PPP1R8: variants seen among roughly 807,000 people sequenced by gnomAD.
PPP1R8 encodes the protein protein phosphatase 1 regulatory subunit 8.
Under a neutral mutation model 31.3 loss-of-function variants are expected in PPP1R8, and 4 were observed. The observed-to-expected ratio is 0.13, with a 90% CI of 0.06 to 0.29. The LOEUF is 0.29. Among genes scored for constraint, PPP1R8 ranks in the 10% least tolerant of loss-of-function variants. The pLI is 1.00. For missense variants in PPP1R8, 254 were observed against 440.1 expected (o/e 0.58, Z 3.78); for synonymous variants, 170 against 169.7 (o/e 1.00, Z -0.01).
intron 1 of PPP1R8, among the ~76,000 whole-genome samples, chr1:27,831,704 A>G (rs1002250109): frequency 2.0e-5 from 3 of 152,150 alleles, no homozygotes; most frequent in African/African-American, 7.2e-5. Flanking sequence ...AGGAATTCAG[A>G]AAGTATGTTT....
chr1:27,830,857 G>T lies in PPP1R8; in HGVS notation c.22G>T (p.Gly8Cys). MAAAANS[G>C]SSLPLFDCPT... ...CAAGATGGCGGCAGCCGCGAACTCC[G>T]GCTCTAGCCTCCCGCTGTTCGACTG... Residue 8 changes from glycine to cysteine, a missense_variant, in exon 1 of 7, where the codon GGC becomes TGC. Gly to Cys is a radical substitution (Grantham distance 159). Coordinates refer to ENST00000311772, the MANE Select transcript of PPP1R8 (RefSeq NM_014110.5). The T allele has an allele frequency of 1.3e-6, 2 of 1,576,248 alleles. No homozygotes were observed. The highest frequency in any genetic ancestry group is 1.3e-5 in the African/African-American group (1 of 74,162).
chr1:27,849,043 T>C (rs1408888405), intron 6 of PPP1R8, among the ~76,000 whole-genome samples: 2 of 152,176 alleles, frequency 1.3e-5, no homozygotes, highest in Non-Finnish European at 2.9e-5. Flanking sequence ...TTTTCTTCAC[T>C]GTAGATTGGT....
At chr1:27,849,828 AC>A (rs2089323091) in intron 6 of PPP1R8, among the ~76,000 whole-genome samples, 1 of 152,108 alleles carries the variant, frequency 6.6e-6, no homozygotes, top group Non-Finnish European at 1.5e-5. Flanking sequence ...AACTCACAAC[AC>A]CATCCTTGGC....
intron 2 of PPP1R8, among the ~76,000 whole-genome samples, chr1:27,833,756 C>G (rs2089134958): frequency 6.6e-6 from 1 of 152,090 alleles, no homozygotes; most frequent in Admixed American, 6.6e-5. Context: ...TGTTGCAGTT[C>G]CACGGTTGCT....
intron 4 of PPP1R8, among the ~76,000 whole-genome samples, chr1:27,841,556 C>CT (rs1236731055): frequency 6.6e-6 from 1 of 152,170 alleles, no homozygotes; most frequent in Admixed American, 6.5e-5. Flanking sequence ...CTGCTTAGAG[C>CT]TAATGCTGTC....
At chr1:27,831,400 C>T in intron 1 of PPP1R8, 1 of 977,792 alleles carries the variant, frequency 1.0e-6, no homozygotes, top group Non-Finnish European at 1.2e-6. Context: ...TCAGGGAGCT[C>T]CCAGTCTGTG....
chr1:27,847,521 AAG>A (rs1553120894), intron 6 of PPP1R8, among the ~76,000 whole-genome samples: 2 of 151,214 alleles, frequency 1.3e-5, no homozygotes, highest in Non-Finnish European at 2.9e-5. Context: ...AAAAAAAAAA[AAG>A]AGATTGAGAC....
At chr1:27,849,981 C>A in intron 6 of PPP1R8, 112 bp from the exon 7 acceptor site, 1 of 1,000,228 alleles carries the variant, frequency 1.0e-6, no homozygotes, top group Non-Finnish European at 1.5e-6. Context: ...AGTTAGGAAT[C>A]TTTCCCAAAA....
chr1:27,840,282 T>C (rs1050884096), intron 3 of PPP1R8, among the ~76,000 whole-genome samples: 1 of 152,142 alleles, frequency 6.6e-6, no homozygotes, highest in African/African-American at 2.4e-5. Flanking sequence ...ACTCCACCAC[T>C]CTCCTACTAC....
chr1:27,849,450 CT>C (rs1401270649), intron 6 of PPP1R8, among the ~76,000 whole-genome samples: 1 of 151,004 alleles, frequency 6.6e-6, no homozygotes, highest in Non-Finnish European at 1.5e-5. Flanking sequence ...GGTAAAATAT[CT>C]ATTGCCATCT....
intron 1 of PPP1R8, chr1:27,831,196 C>T: frequency 8.7e-7 from 1 of 1,154,426 alleles, no homozygotes. Flanking sequence ...ACGCCCAACT[C>T]TTGACTGAGT....
At chr1:27,850,071 CT>C (rs1156747686) in intron 6 of PPP1R8, 21 bp from the exon 7 acceptor site, 2 of 1,527,392 alleles carry the variant, frequency 1.3e-6, no homozygotes, top group East Asian at 2.3e-5. Flanking sequence ...AATCTCTCCC[CT>C]CTCCTCATCG....
intron 6 of PPP1R8, among the ~76,000 whole-genome samples, chr1:27,849,357 G>A (rs2089317026): frequency 7.4e-6 from 1 of 135,690 alleles, no homozygotes; most frequent in African/African-American, 2.9e-5. Context: ...GGCAACAAGA[G>A]TGAAACTCTG....
intron 2 of PPP1R8, 100 bp downstream of exon 2, chr1:27,832,916 T>A: frequency 2.0e-6 from 2 of 992,290 alleles, no homozygotes; most frequent in Non-Finnish European, 1.5e-6. Context: ...TTTCCAGCAA[T>A]GCTACTTTCT....
intron 2 of PPP1R8, among the ~76,000 whole-genome samples, chr1:27,838,038 C>T (rs1211991233): frequency 6.6e-6 from 1 of 150,966 alleles, no homozygotes; most frequent in Non-Finnish European, 1.5e-5. Context: ...GGTAAAACCC[C>T]GTCTCTACTA....
chr1:27,837,370 G>C (rs985911216), intron 2 of PPP1R8, among the ~76,000 whole-genome samples: 9 of 151,452 alleles, frequency 5.9e-5, no homozygotes, highest in Admixed American at 5.9e-4. Flanking sequence ...GGCAGAGCTT[G>C]TAGTGAGCCG....
intron 6 of PPP1R8, 61 bp downstream of exon 6, chr1:27,847,153 G>GC (rs1403779026): frequency 3.3e-6 from 5 of 1,536,610 alleles, no homozygotes; most frequent in Non-Finnish European, 4.5e-6. Context: ...TAGGCCAGGC[G>GC]CGTTGGCTTA....
chr1:27,839,981 G>C (rs899765946), intron 3 of PPP1R8, among the ~76,000 whole-genome samples: 2 of 152,050 alleles, frequency 1.3e-5, no homozygotes, highest in African/African-American at 4.8e-5. Context: ...GATCGTTTGA[G>C]CCCAGGAGGT....
rs200862876 is a variant in PPP1R8 at position 27,846,433 on chromosome 1, G to A, written c.638-595G>A. Among the ~76,000 whole-genome samples, 21 of 152,310 alleles carry A rather than the reference G, an allele frequency of 1.4e-4. No homozygotes were observed. The East Asian group carries it at 2.3e-3, about 17-fold the overall frequency. ...CTTGCTCTTCATTTCCCGTGTAGAC[G>A]GGGGCATCAGAGCCTTTAGTGCAAG... is the stretch of plus-strand genomic sequence containing the variant. On this transcript the variant is annotated intron_variant, in intron 5 of 6. Coordinates refer to ENST00000311772, the MANE Select transcript of PPP1R8 (RefSeq NM_014110.5).
Sources: allele counts gnomAD v4.1 joint callset (sites outside exome capture counted in the v4.1 genomes callset), GRCh38; gene constraint gnomAD v4.1.1; transcripts MANE v1.5; gene names NCBI Gene and HGNC (gene_info 2026-07-23, HGNC 2026-07-21).